The following MYO10 variants were observed in gnomAD, a reference collection of about 807,000 sequenced individuals.
MYO10 encodes unconventional myosin-X.
Under a neutral mutation model 257.3 loss-of-function variants are expected in MYO10, and 133 were observed. The observed-to-expected ratio is 0.52, with a 90% CI of 0.45 to 0.60. MYO10 has a LOEUF of 0.60. MYO10 is among the 20% of genes least tolerant of loss of function. MYO10 has a pLI of 0.00. For missense variants in MYO10, 2,399 were observed against 2,635.7 expected, an observed-to-expected ratio of 0.91 and a Z score of 1.97; for synonymous variants, 1,104 against 1,028.6, an observed-to-expected ratio of 1.07 and a Z score of -1.40.
intron 27 of MYO10, among the ~76,000 whole-genome samples, chr5:16,691,280 A>C (rs963054175): frequency 3.9e-5 from 6 of 152,084 alleles, no homozygotes; most frequent in Admixed American, 2.6e-4. Context: ...AAAAAAAAAA[A>C]AAAAAGTACA....
intron 3 of MYO10, among the ~76,000 whole-genome samples, chr5:16,801,832 G>A (rs1302641831): frequency 1.3e-5 from 2 of 152,002 alleles, no homozygotes; most frequent in East Asian, 3.9e-4. Context: ...TTTATACCAT[G>A]TATAAAAAAT....
intron 1 of MYO10, among the ~76,000 whole-genome samples, chr5:16,879,887 C>T (rs563851472): frequency 2.4e-4 from 36 of 152,280 alleles, no homozygotes; most frequent in African/African-American, 5.1e-4. Flanking sequence ...TTAAAATCCA[C>T]GAGCCAGAGG....
rs556824400 is a variant in MYO10, at chr5:16,756,238, A to AT, written c.1849-1331dup. Reference sequence around the variant, plus strand: ...CAAGGGCATGCCGAATAACTTTTTAATTTTTTTTGTAGAGATGAGGCCTCG... The same window carrying AT: ...CAAGGGCATGCCGAATAACTTTTTAATTTTTTTTTGTAGAGATGAGGCCTCG... On this transcript the variant is annotated intron_variant, in intron 18 of 40. Transcript: ENST00000513610. Among the ~76,000 whole-genome samples the AT allele has an allele frequency of 9.9e-5, 15 of 151,736 alleles. No individual in the cohort carries two copies. In the South Asian group the frequency reaches 1.9e-3, roughly 19 times the overall value.
chr5:16,706,418 T>G (rs116718681), intron 21 of MYO10, among the ~76,000 whole-genome samples: 194 of 152,248 alleles, frequency 1.3e-3, no homozygotes, highest in African/African-American at 4.5e-3. Context: ...CATATCAAAA[T>G]CACGTAGCAA....
chr5:16,699,752 A>G, intron 25 of MYO10, 179 bp from the exon 26 acceptor site: 1 of 513,626 alleles, frequency 1.9e-6, no homozygotes, highest in Admixed American at 3.4e-5. Flanking sequence ...GTGCCACTGC[A>G]CTCCAGCCTG....
intron 12 of MYO10, among the ~76,000 whole-genome samples, 182 bp from the exon 13 acceptor site, chr5:16,763,937 G>A (rs2126651988): frequency 6.6e-6 from 1 of 152,226 alleles, no homozygotes; most frequent in South Asian, 2.1e-4. Flanking sequence ...CTGAGGTCGG[G>A]AGTCCAAGAC....
intron 19 of MYO10, among the ~76,000 whole-genome samples, chr5:16,714,608 A>T (rs906878598): frequency 5.2e-4 from 79 of 152,234 alleles, no homozygotes; most frequent in African/African-American, 1.9e-3. Context: ...GACCAAATGC[A>T]GGAGATTGAG....
At chr5:16,697,920 G>T (rs1737835752) in intron 26 of MYO10, among the ~76,000 whole-genome samples, 1 of 152,142 alleles carries the variant, frequency 6.6e-6, no homozygotes, top group Non-Finnish European at 1.5e-5. Context: ...CTAGGTCCAT[G>T]CGAGAAACAG....
intron 11 of MYO10, 90 bp from the exon 12 acceptor site, chr5:16,764,486 A>T: frequency 7.1e-7 from 1 of 1,415,854 alleles, no homozygotes; most frequent in African/African-American, 1.4e-5. Flanking sequence ...GACACACACA[A>T]GACTAGCATA....
chr5:16,773,251 T>A (rs543496186), intron 9 of MYO10, among the ~76,000 whole-genome samples: 2 of 152,170 alleles, frequency 1.3e-5, no homozygotes, highest in African/African-American at 4.8e-5. Flanking sequence ...ATCAGTGATT[T>A]CTTCTAAAAG....
intron 19 of MYO10, among the ~76,000 whole-genome samples, chr5:16,744,402 G>A (rs1167056137): frequency 6.6e-6 from 1 of 152,134 alleles, no homozygotes; most frequent in Non-Finnish European, 1.5e-5. Context: ...TGAGGCCTGG[G>A]CGAAACCTGG....
chr5:16,794,386 A>T (rs554457534), intron 4 of MYO10, among the ~76,000 whole-genome samples: 10 of 142,496 alleles, frequency 7.0e-5, no homozygotes, highest in East Asian at 2.4e-4. Context: ...GTTGCTTTAA[A>T]AAAAAAAAAA....
At chr5:16,855,011 G>A (rs955834909) in intron 2 of MYO10, among the ~76,000 whole-genome samples, 2 of 151,294 alleles carry the variant, frequency 1.3e-5, no homozygotes, top group African/African-American at 2.4e-5. Flanking sequence ...CAGCCCAGAC[G>A]ACAACAGTGA....
intron 1 of MYO10, among the ~76,000 whole-genome samples, chr5:16,895,058 A>G (rs1745179540): frequency 6.6e-6 from 1 of 152,200 alleles, no homozygotes; most frequent in Admixed American, 6.5e-5. Flanking sequence ...ACAAACCACT[A>G]AGGACTAAAA....
intron 29 of MYO10, among the ~76,000 whole-genome samples, chr5:16,685,534 T>C (rs1290927244): frequency 1.3e-5 from 2 of 152,174 alleles, no homozygotes; most frequent in Non-Finnish European, 2.9e-5. Context: ...TTTATTATTG[T>C]ATTATATTGT....
intron 1 of MYO10, among the ~76,000 whole-genome samples, chr5:16,881,924 A>G (rs1316215076): frequency 1.3e-5 from 2 of 152,124 alleles, no homozygotes; most frequent in African/African-American, 4.8e-5. Flanking sequence ...TATATAGGCA[A>G]CCTAGCATAT....
chr5:16,881,202 A>G (rs1006460375), intron 1 of MYO10, among the ~76,000 whole-genome samples: 6 of 152,182 alleles, frequency 3.9e-5, no homozygotes, highest in African/African-American at 1.4e-4. Flanking sequence ...AAAATTGTCT[A>G]TTTAGTAAGA....
chr5:16,922,642 C>T lies in MYO10; in HGVS notation c.21+13146G>A, dbSNP rs190261712. Reference sequence around the variant, plus strand: ...GGTCCATGGTCACCGTCTTCAGGATCCTGGGCCAAGGCAAAGTGTTCATGT... The same window carrying T: ...GGTCCATGGTCACCGTCTTCAGGATTCTGGGCCAAGGCAAAGTGTTCATGT... On this transcript the variant is annotated intron_variant, in intron 1 of 40. Coordinates refer to ENST00000513610, the MANE Select transcript of MYO10 (RefSeq NM_012334.3). 5.7e-4 allele frequency among the ~76,000 whole-genome samples: 87 copies of T among 152,276 alleles called. 1 individual carries two copies. In the East Asian group the frequency reaches 0.015, roughly 26 times the overall value.
At chr5:16,771,488 C>T (rs987940008) in intron 9 of MYO10, among the ~76,000 whole-genome samples, 16 of 150,478 alleles carry the variant, frequency 1.1e-4, no homozygotes, top group African/African-American at 2.7e-4. Context: ...CTCAGGGTCG[C>T]ACAACCAAAA....
Sources: allele counts gnomAD v4.1 joint callset (sites outside exome capture counted in the v4.1 genomes callset), GRCh38; gene constraint gnomAD v4.1.1; transcripts MANE v1.5; gene names NCBI Gene and HGNC (gene_info 2026-07-23, HGNC 2026-07-21).